Variants in UBE2U observed in about 807,000 individuals in gnomAD.
UBE2U encodes ubiquitin-conjugating enzyme E2 U.
Under a neutral mutation model 41.2 loss-of-function variants are expected in UBE2U, and 39 were observed. The ratio of observed to expected loss-of-function variants is 0.95; its 90% CI spans 0.73 to 1.24. UBE2U has a LOEUF of 1.24. Among genes scored for constraint, UBE2U ranks in the 50% most tolerant of loss-of-function variants. The probability of loss-of-function intolerance (pLI) is 0.00; values close to 1 mark genes in which losing one functional copy is unlikely to be tolerated. For synonymous variants in UBE2U, 107 were observed against 117.8 expected (o/e 0.91, Z 0.60); for missense variants, 336 against 363.1 (o/e 0.93, Z 0.61).
intron 7 of UBE2U, among the ~76,000 whole-genome samples, chr1:64,236,551 T>A (rs577420411): frequency 2.0e-5 from 3 of 152,128 alleles, no homozygotes; most frequent in African/African-American, 7.2e-5. Flanking sequence ...ATATATATGG[T>A]TGTGGGCAAC....
At chr1:64,233,141 G>A (rs1323182029) in intron 7 of UBE2U, among the ~76,000 whole-genome samples, 1 of 151,682 alleles carries the variant, frequency 6.6e-6, no homozygotes, top group African/African-American at 2.4e-5. Flanking sequence ...TCGAGTAGCT[G>A]GGACTACAGG....
chr1:64,220,746 T>C lies in UBE2U; in HGVS notation c.458-113T>C, dbSNP rs150682511. On this transcript the variant is annotated intron_variant, in intron 5 of 9. Transcript: ENST00000371077. The stretch of plus-strand genomic sequence containing the variant: ...CTTTTGCTCTCCTTGAGATTTTATA[T>C]CTTATTTTTATTCCTTTATTACCAT... 3.5e-4 allele frequency: 292 copies of C among 842,142 alleles called. 1 individual carries two copies. The African/African-American group carries it at 4.6e-3, about 13-fold the overall frequency. The allele number at this position is 842,142 out of a possible 1,614,324, so 52.2% of individuals were successfully genotyped here.
chr1:64,212,037 A>G (rs1450390909), intron 4 of UBE2U, among the ~76,000 whole-genome samples: 2 of 152,222 alleles, frequency 1.3e-5, no homozygotes. Context: ...CTGGCTAGTC[A>G]TCTTAGCATA....
At chr1:64,206,989 A>T in intron 3 of UBE2U, 133 bp downstream of exon 3, 1 of 651,352 alleles carries the variant, frequency 1.5e-6, no homozygotes, top group African/African-American at 1.9e-5. Context: ...GAAAATATGA[A>T]AAGGCTGGAA....
intron 6 of UBE2U, among the ~76,000 whole-genome samples, chr1:64,226,272 T>A (rs1232992420): frequency 6.6e-6 from 1 of 152,046 alleles, no homozygotes; most frequent in Non-Finnish European, 1.5e-5. Flanking sequence ...AACAAAAGAG[T>A]ACATACTATG....
chr1:64,236,405 A>C (rs1427689218), intron 7 of UBE2U, among the ~76,000 whole-genome samples: 1 of 152,196 alleles, frequency 6.6e-6, no homozygotes, highest in African/African-American at 2.4e-5. Context: ...AAGTACATGC[A>C]GCATATTTGT....
intron 6 of UBE2U, among the ~76,000 whole-genome samples, chr1:64,221,777 A>G (rs1652485212): frequency 1.3e-5 from 2 of 152,200 alleles, no homozygotes; most frequent in African/African-American, 4.8e-5. Context: ...AGCTCTGTAT[A>G]AAAGTTGAGT....
At chr1:64,235,003 G>A (rs893013045) in intron 7 of UBE2U, among the ~76,000 whole-genome samples, 4 of 151,972 alleles carry the variant, frequency 2.6e-5, no homozygotes, top group Admixed American at 2.6e-4. Flanking sequence ...AAATATATAG[G>A]GCCACTTGGA....
chr1:64,215,747 C>G (rs1651960687), intron 5 of UBE2U, among the ~76,000 whole-genome samples: 1 of 152,182 alleles, frequency 6.6e-6, no homozygotes, highest in African/African-American at 2.4e-5. Context: ...GCAGTGTTTT[C>G]CTGATACCCT....
Position 64,210,833 on chromosome 1 carries a change from C to T in UBE2U, c.333C>T (p.Ala111=). Reference sequence around the variant, plus strand: ...ATACATTGAGCAGCATCTTACTTGCCCTACAGGTAAGAATGGATTTCATAT... The same window carrying T: ...ATACATTGAGCAGCATCTTACTTGCTCTACAGGTAAGAATGGATTTCATAT... The part of the protein sequence containing the change: ...TNYTLSSILL[A]LQVMLSNPVL... The change falls in exon 4 of 10, where the codon GCC becomes GCT. Residue 111 remains alanine (A), a synonymous_variant. Coordinates refer to ENST00000371077, the MANE Select transcript of UBE2U (RefSeq NM_001366232.2). 6.3e-7 allele frequency: 1 copy of T among 1,595,184 alleles called. No homozygotes were observed. The highest frequency in any genetic ancestry group is 1.7e-5 in the Admixed American group (1 of 57,670).
intron 8 of UBE2U, among the ~76,000 whole-genome samples, chr1:64,245,911 C>A (rs1160344324): frequency 6.6e-6 from 1 of 152,086 alleles, no homozygotes; most frequent in African/African-American, 2.4e-5. Flanking sequence ...CAGAGATTAG[C>A]GAGTTTTCCT....
intron 9 of UBE2U, among the ~76,000 whole-genome samples, chr1:64,262,912 G>T (rs1645199482): frequency 6.6e-6 from 1 of 152,086 alleles, no homozygotes; most frequent in Non-Finnish European, 1.5e-5. Context: ...TGAGGGAAGG[G>T]ACTGCTCACC....
intron 7 of UBE2U, among the ~76,000 whole-genome samples, chr1:64,241,432 C>G (rs752898960): frequency 1.4e-4 from 22 of 152,058 alleles, no homozygotes; most frequent in Admixed American, 2.6e-4. Context: ...AAAATAACTT[C>G]CAAGTCATAA....
At chr1:64,257,736 A>C (rs562728113) in intron 8 of UBE2U, among the ~76,000 whole-genome samples, 33 of 152,340 alleles carry the variant, frequency 2.2e-4, no homozygotes, top group Non-Finnish European at 3.8e-4. Context: ...CCTATGTAAC[A>C]AACCTGCACA....
Position 64,257,098 on chromosome 1 carries a change from A to C in UBE2U, c.678-3505A>C, listed in dbSNP as rs145216450. The stretch of plus-strand genomic sequence containing the variant: ...GCCAGTCAGAATGGCGATTATTAAA[A>C]AGTCAAAAAACAACAGATGCTGGCA... On this transcript the variant is annotated intron_variant, in intron 8 of 9. Transcript: ENST00000371077. 3.1e-3 allele frequency among the ~76,000 whole-genome samples: 466 copies of C among 152,316 alleles called. 3 individuals carry two copies. Among genetic ancestry groups the C allele is most frequent in the African/African-American group, 0.011 (438 of 41,560 alleles).
At chr1:64,244,222 GT>G in intron 8 of UBE2U, 4 of 1,562,032 alleles carry the variant, frequency 2.6e-6, no homozygotes, top group South Asian at 2.3e-5. Flanking sequence ...CTCTGAACTT[GT>G]TTTTTTATCT....
intron 3 of UBE2U, among the ~76,000 whole-genome samples, chr1:64,209,216 G>A (rs1417069389): frequency 6.6e-6 from 1 of 152,096 alleles, no homozygotes; most frequent in African/African-American, 2.4e-5. Flanking sequence ...ATTCAATGGG[G>A]GGAGGTACTC....
chr1:64,244,380 T>A (rs1644887115), intron 8 of UBE2U: 1 of 617,564 alleles, frequency 1.6e-6, no homozygotes, highest in Non-Finnish European at 2.0e-6. Flanking sequence ...AAAATAAAAA[T>A]TAATATAGCA....
intron 4 of UBE2U, among the ~76,000 whole-genome samples, chr1:64,211,526 A>G (rs1203898261): frequency 6.6e-6 from 1 of 151,876 alleles, no homozygotes; most frequent in African/African-American, 2.4e-5. Flanking sequence ...TGCAGCCTCA[A>G]CCTCCTGGGC....
Sources: gnomAD v4.1 joint callset for allele counts (sites outside exome capture counted in the v4.1 genomes callset) on GRCh38, gnomAD v4.1.1 for gene constraint, MANE v1.5 for transcripts, NCBI Gene and HGNC (gene_info 2026-07-23, HGNC 2026-07-21) for gene names.